GYS2: variants seen among roughly 807,000 people sequenced by gnomAD.
GYS2 encodes the protein glycogen synthase 2.
GYS2 carries 80 observed loss-of-function variants against 85.6 expected under a neutral mutation model. That is an observed-to-expected ratio of 0.93 (90% CI 0.78 to 1.13). The LOEUF (loss-of-function observed/expected upper bound fraction) is 1.13. Ranked by LOEUF, GYS2 falls within the 50% of genes most tolerant of loss-of-function variation. The pLI, the probability that GYS2 is intolerant of heterozygous loss-of-function variation, is 0.00. For missense variants in GYS2, 881 were observed against 854.9 expected, an observed-to-expected ratio of 1.03 and a Z score of -0.38; for synonymous variants, 328 against 300.7, an observed-to-expected ratio of 1.09 and a Z score of -0.94.
chr12:21,541,562 T>A (rs1943976612), intron 13 of GYS2, among the ~76,000 whole-genome samples: 1 of 152,078 alleles, frequency 6.6e-6, no homozygotes, highest in South Asian at 2.1e-4. Flanking sequence ...GCAGAAGGGA[T>A]CAAAATTCAG....
chr12:21,567,048 A>G (rs1944329254), intron 5 of GYS2, among the ~76,000 whole-genome samples: 1 of 152,180 alleles, frequency 6.6e-6, no homozygotes, highest in South Asian at 2.1e-4. Flanking sequence ...AATAATGGAA[A>G]CAGATGTTCA....
chr12:21,554,567 T>A (rs199890332), intron 11 of GYS2, among the ~76,000 whole-genome samples: 1 of 151,994 alleles, frequency 6.6e-6, no homozygotes, highest in Non-Finnish European at 1.5e-5. Context: ...ATAACATTTT[T>A]AAAACACAAT....
At chr12:21,544,124 G>A (rs1036872889) in intron 12 of GYS2, among the ~76,000 whole-genome samples, 6 of 152,102 alleles carry the variant, frequency 3.9e-5, no homozygotes, top group Admixed American at 1.3e-4. Context: ...CTAGTAACAC[G>A]TAAAAAGATT....
At chr12:21,593,886 CA>C (rs1199951335) in intron 1 of GYS2, among the ~76,000 whole-genome samples, 3 of 151,958 alleles carry the variant, frequency 2.0e-5, no homozygotes, top group African/African-American at 7.2e-5. Flanking sequence ...AAACTGAATC[CA>C]ACAGTACATC....
In GYS2 at chr12:21,537,003, C is replaced by G; in HGVS notation, c.2063G>C (p.Ser688Thr). ...CTTTTTCTTCCCATGAGGAACGTGG[C>G]TCAGTGAAAATGGTGACTTGATATT... ...RLNIKSPFSLSHVPHGKKKLH... is the reference protein window; with the variant it reads ...RLNIKSPFSLTHVPHGKKKLH... The change falls in exon 16 of 16, where the codon AGC (serine) becomes ACC (threonine). Residue 688 changes from serine (S) to threonine (T), a missense_variant. By Grantham distance (58) the Ser-to-Thr change is moderately conservative. Coordinates refer to ENST00000261195, the MANE Select transcript of GYS2 (RefSeq NM_021957.4). The G allele has an allele frequency of 6.2e-7, 1 of 1,614,014 alleles. No individual in the cohort carries two copies. Among genetic ancestry groups the G allele is most frequent in the Admixed American group, 1.7e-5 (1 of 60,010 alleles).
intron 1 of GYS2, among the ~76,000 whole-genome samples, chr12:21,600,377 C>T (rs1157727340): frequency 6.6e-6 from 1 of 152,152 alleles, no homozygotes; most frequent in East Asian, 1.9e-4. Context: ...ATTCTCCCAC[C>T]TCAGCCTTGA....
At chr12:21,562,541 T>A (rs1300644301) in intron 7 of GYS2, among the ~76,000 whole-genome samples, 3 of 152,160 alleles carry the variant, frequency 2.0e-5, no homozygotes, top group African/African-American at 7.2e-5. Context: ...AAAATTGATA[T>A]TTTGCTCTGC....
At chr12:21,565,459 G>A (rs1336397168) in intron 5 of GYS2, among the ~76,000 whole-genome samples, 6 of 126,204 alleles carry the variant, frequency 4.8e-5, no homozygotes, top group Non-Finnish European at 8.0e-5. Flanking sequence ...CATTATATAG[G>A]TTATAGGTTT....
chr12:21,603,155 T>C (rs1357830339), intron 1 of GYS2, among the ~76,000 whole-genome samples: 1 of 152,132 alleles, frequency 6.6e-6, no homozygotes, highest in African/African-American at 2.4e-5. Flanking sequence ...TAAAGATCTC[T>C]GAGGAAAAGA....
intron 11 of GYS2, 41 bp downstream of exon 11, chr12:21,558,159 T>A (rs777509082): frequency 9.1e-7 from 1 of 1,099,854 alleles, no homozygotes; most frequent in South Asian, 1.3e-5. Context: ...AAATATATTT[T>A]AAGTAAGTTT....
intron 1 of GYS2, among the ~76,000 whole-genome samples, chr12:21,599,624 C>T (rs1944733134): frequency 6.6e-6 from 1 of 152,188 alleles, no homozygotes; most frequent in Non-Finnish European, 1.5e-5. Context: ...GGTGTGATAA[C>T]AGCTTGAGAT....
chr12:21,558,117 AAAC>A (rs767746447), intron 11 of GYS2, 80 bp downstream of exon 11: 84 of 884,532 alleles, frequency 9.5e-5, no homozygotes, highest in Non-Finnish European at 1.3e-4. Flanking sequence ...GTAGATGTAA[AAAC>A]AACTAAGGAA....
intron 11 of GYS2, 63 bp downstream of exon 11, chr12:21,558,137 T>C: frequency 1.0e-6 from 1 of 1,002,926 alleles, no homozygotes; most frequent in Non-Finnish European, 1.6e-6. Flanking sequence ...GGAAAGCTAA[T>C]AAATTCTCAG....
chr12:21,558,975 C>G, intron 10 of GYS2, 116 bp downstream of exon 10: 1 of 638,882 alleles, frequency 1.6e-6, no homozygotes, highest in Non-Finnish European at 2.8e-6. Context: ...GTAAGAATGT[C>G]TTTTCTAGCC....
intron 5 of GYS2, among the ~76,000 whole-genome samples, chr12:21,563,902 G>T (rs930406453): frequency 1.3e-5 from 2 of 152,142 alleles, no homozygotes; most frequent in Admixed American, 6.5e-5. Context: ...CAAGTGTATG[G>T]GACACCTTTT....
chr12:21,569,522 AAG>A (rs1159809616), intron 4 of GYS2, among the ~76,000 whole-genome samples: 3 of 152,186 alleles, frequency 2.0e-5, no homozygotes, highest in African/African-American at 7.2e-5. Context: ...TATAATTGCA[AAG>A]AGTGTATAGT....
chr12:21,562,885 A>G (rs758611831), intron 7 of GYS2, 33 bp downstream of exon 7: 1 of 1,610,984 alleles, frequency 6.2e-7, no homozygotes, highest in Non-Finnish European at 8.5e-7. Context: ...TCTCCCTACA[A>G]GAGTGTTATA....
In GYS2 at chr12:21,546,575, G is replaced by A. The variant is rs545727269; in HGVS notation, c.1423-105C>T. ...CAGTACTCTACTATAGAATCCTTATGTTCTAGATTCAGAAAGAAAAAAAGA... is the reference window on the plus strand; with the variant it reads ...CAGTACTCTACTATAGAATCCTTATATTCTAGATTCAGAAAGAAAAAAAGA... On this transcript the variant is annotated intron_variant, in intron 11 of 15. Transcript: ENST00000261195. 11 of 669,568 alleles carry A rather than the reference G, an allele frequency of 1.6e-5. No homozygotes were observed. The East Asian group carries it at 1.7e-4, about 10-fold the overall frequency. 41.5% of individuals were successfully genotyped at this position (669,568 alleles called of 1,614,324 possible). A position where few individuals can be genotyped will look rare whatever the true frequency, so the allele number is the denominator to read the frequency against.
chr12:21,574,740 T>G (rs1379287122), intron 3 of GYS2, among the ~76,000 whole-genome samples: 2 of 152,180 alleles, frequency 1.3e-5, no homozygotes, highest in South Asian at 4.1e-4. Flanking sequence ...TTTAAAAAAC[T>G]ACTTAAATTT....
Sources: allele counts gnomAD v4.1 joint callset (sites outside exome capture counted in the v4.1 genomes callset), GRCh38; gene constraint gnomAD v4.1.1; transcripts MANE v1.5; gene names NCBI Gene and HGNC (gene_info 2026-07-23, HGNC 2026-07-21).